Variants in LYST observed in about 807,000 individuals in gnomAD.
LYST encodes the protein lysosomal trafficking regulator, also known as lysosomal-trafficking regulator.
LYST carries 192 observed loss-of-function variants against 413.6 expected under a neutral mutation model. The observed-to-expected ratio is 0.46, with a 90% CI of 0.41 to 0.52. The LOEUF (loss-of-function observed/expected upper bound fraction) is 0.52. Among genes scored for constraint, LYST ranks in the 20% least tolerant of loss-of-function variants. LYST has a pLI of 0.00. For missense variants in LYST, 3,815 were observed against 4,499.9 expected (o/e 0.85, Z 4.35); for synonymous variants, 1,525 against 1,567.3 (o/e 0.97, Z 0.64).
chr1:235,704,859 A>G (rs1284782248), intron 44 of LYST, among the ~76,000 whole-genome samples: 1 of 152,226 alleles, frequency 6.6e-6, no homozygotes, highest in Non-Finnish European at 1.5e-5. Flanking sequence ...AAAATCAAAT[A>G]AGGATTGATA....
chr1:235,800,017 C>T (rs951706956), intron 10 of LYST, among the ~76,000 whole-genome samples: 1 of 115,042 alleles, frequency 8.7e-6, no homozygotes, highest in Admixed American at 1.3e-4. Flanking sequence ...AGTGCAGTGG[C>T]ATGATCATGG....
chr1:235,759,395 G>T lies in LYST; in HGVS notation c.6458C>A (p.Ser2153Tyr). 1 of 1,614,106 alleles carries T rather than the reference G, an allele frequency of 6.2e-7. No homozygotes were observed. Among genetic ancestry groups the T allele is most frequent in the Non-Finnish European group, 8.5e-7 (1 of 1,179,990 alleles). ...QSKKQNSLGS[S>Y]DTLKKGKEDA... Reference sequence around the variant, plus strand: ...CTCTTTGCCTTTTTTCAGTGTGTCGGAACTCCCCAAAGAATTTTGTTTCTT... The same window carrying T: ...CTCTTTGCCTTTTTTCAGTGTGTCGTAACTCCCCAAAGAATTTTGTTTCTT... The change falls in exon 23 of 53, where the codon TCC (serine) becomes TAC (tyrosine). Residue 2153 changes from serine to tyrosine, a missense_variant. Ser to Tyr is a moderately radical substitution (Grantham distance 144). Transcript: ENST00000389793.
intron 3 of LYST, among the ~76,000 whole-genome samples, chr1:235,814,333 C>A (rs1320769763): frequency 6.6e-6 from 1 of 151,810 alleles, no homozygotes; most frequent in Non-Finnish European, 1.5e-5. Context: ...AAGTAAATAA[C>A]AAGATTTAGG....
chr1:235,679,533 A>AT (rs1167638434), intron 48 of LYST, among the ~76,000 whole-genome samples: 3 of 151,876 alleles, frequency 2.0e-5, no homozygotes, highest in Non-Finnish European at 4.4e-5. Context: ...TCTTAGCTGT[A>AT]TTTTTTTGTG....
At chr1:235,810,828 G>C (rs1021272242) in intron 4 of LYST, among the ~76,000 whole-genome samples, 3 of 152,118 alleles carry the variant, frequency 2.0e-5, no homozygotes, top group Non-Finnish European at 4.4e-5. Flanking sequence ...TTACTTCAAA[G>C]GATACAAACT....
At chr1:235,841,195 A>G (rs931945780) in intron 1 of LYST, among the ~76,000 whole-genome samples, 1 of 152,188 alleles carries the variant, frequency 6.6e-6, no homozygotes, top group South Asian at 2.1e-4. Flanking sequence ...ACTCCATCTC[A>G]TGGTTTCCAA....
At chr1:235,823,774 A>C (rs1380048584) in intron 3 of LYST, among the ~76,000 whole-genome samples, 2 of 152,132 alleles carry the variant, frequency 1.3e-5, no homozygotes, top group Non-Finnish European at 2.9e-5. Context: ...GCCAATTCCT[A>C]CTTAGGGATG....
At chr1:235,851,247 T>C (rs1432434331) in intron 1 of LYST, among the ~76,000 whole-genome samples, 1 of 152,130 alleles carries the variant, frequency 6.6e-6, no homozygotes, top group Admixed American at 6.5e-5. Flanking sequence ...ATTAACAGCA[T>C]CTGCAGTGAC....
At chr1:235,837,035 G>A (rs745774694) in intron 1 of LYST, among the ~76,000 whole-genome samples, 3 of 152,166 alleles carry the variant, frequency 2.0e-5, no homozygotes, top group Non-Finnish European at 4.4e-5. Flanking sequence ...TTTCTGAGAC[G>A]ATGAGCCTGT....
intron 1 of LYST, among the ~76,000 whole-genome samples, chr1:235,846,150 C>T (rs1224734237): frequency 5.3e-5 from 8 of 152,168 alleles, no homozygotes; most frequent in African/African-American, 1.4e-4. Flanking sequence ...CCAGAAAAGG[C>T]GCTGGTATCC....
chr1:235,863,475 T>G (rs1478385957), intron 1 of LYST, among the ~76,000 whole-genome samples: 20 of 133,970 alleles, frequency 1.5e-4, no homozygotes, highest in South Asian at 4.9e-4. Flanking sequence ...AAAAAAAAAA[T>G]GTTGAACTTA....
upstream of LYST, among the ~76,000 whole-genome samples, chr1:235,867,174 C>CA (rs1680657339): frequency 6.6e-6 from 1 of 152,230 alleles, no homozygotes; most frequent in Non-Finnish European, 1.5e-5. Flanking sequence ...GTCTGGGTTT[C>CA]TCAGCGGTCG....
intron 19 of LYST, among the ~76,000 whole-genome samples, chr1:235,770,929 C>T (rs931203222): frequency 2.6e-5 from 4 of 152,018 alleles, no homozygotes; most frequent in African/African-American, 9.7e-5. Context: ...AAAAAGAGAT[C>T]TTACACTGAT....
intron 47 of LYST, among the ~76,000 whole-genome samples, chr1:235,692,213 G>A (rs1222041990): frequency 2.6e-5 from 4 of 151,332 alleles, no homozygotes; most frequent in Non-Finnish European, 4.4e-5. Flanking sequence ...CATGCCTGTA[G>A]TCCCAGCTAC....
chr1:235,679,886 G>C (rs1031213587), intron 48 of LYST, among the ~76,000 whole-genome samples: 1 of 152,006 alleles, frequency 6.6e-6, no homozygotes, highest in Non-Finnish European at 1.5e-5. Flanking sequence ...AGTGTTTCAG[G>C]ATTGATAGTG....
chr1:235,747,937 G>A (rs1666082848), intron 28 of LYST, among the ~76,000 whole-genome samples: 1 of 152,204 alleles, frequency 6.6e-6, no homozygotes, highest in African/African-American at 2.4e-5. Flanking sequence ...TTGTTTATAT[G>A]CTTATTGATC....
Position 235,709,907 on chromosome 1 carries a change from A to C in LYST, c.9926-599T>G, listed in dbSNP as rs1056605664. The stretch of plus-strand genomic sequence containing the variant: ...CTGTAGATAGCAAAATTATCCCAAC[A>C]CAGGAAATAAGAGGGTTCTTCTGTG... On this transcript the variant is annotated intron_variant, in intron 43 of 52. Transcript: ENST00000389793. Among the ~76,000 whole-genome samples, 7 of 150,694 alleles carry C rather than the reference A, an allele frequency of 4.6e-5. 2 individuals are homozygous for C. The highest frequency in any genetic ancestry group is 1.7e-4 in the African/African-American group (7 of 40,044).
At chr1:235,764,830 A>G (rs1233853947) in intron 21 of LYST, among the ~76,000 whole-genome samples, 1 of 152,038 alleles carries the variant, frequency 6.6e-6, no homozygotes, top group Non-Finnish European at 1.5e-5. Context: ...TAAAATGGCT[A>G]TTGTACAACC....
intron 40 of LYST, among the ~76,000 whole-genome samples, chr1:235,718,554 G>A (rs932587544): frequency 6.6e-5 from 10 of 152,104 alleles, no homozygotes; most frequent in Admixed American, 2.6e-4. Flanking sequence ...GAGCCACTGC[G>A]CCCAGCTTAA....
Sources: allele counts gnomAD v4.1 joint callset (sites outside exome capture counted in the v4.1 genomes callset), GRCh38; gene constraint gnomAD v4.1.1; transcripts MANE v1.5; gene names NCBI Gene and HGNC (gene_info 2026-07-23, HGNC 2026-07-21).